TMC1: variants seen among roughly 807,000 people sequenced by gnomAD.
TMC1 encodes the protein transmembrane channel-like protein 1.
TMC1 carries 84 observed loss-of-function variants against 105.8 expected under a neutral mutation model. The ratio of observed to expected loss-of-function variants is 0.79; its 90% CI spans 0.67 to 0.95. TMC1 has a LOEUF of 0.95. Ranked by LOEUF, TMC1 falls within the 40% of genes least tolerant of loss-of-function variation. The pLI is 0.00. For missense variants in TMC1, 817 were observed against 914.1 expected (o/e 0.89, Z 1.37); for synonymous variants, 315 against 311.5 (o/e 1.01, Z -0.12).
intron 3 of TMC1, among the ~76,000 whole-genome samples, chr9:72,616,852 A>G (rs573070988): frequency 1.6e-4 from 25 of 152,130 alleles, no homozygotes; most frequent in Admixed American, 4.6e-4. Context: ...ACAAGGAAGG[A>G]GCTGGCTAGC....
chr9:72,768,705 G>T (rs771658323), intron 12 of TMC1, among the ~76,000 whole-genome samples: 2 of 152,130 alleles, frequency 1.3e-5, no homozygotes, highest in Non-Finnish European at 2.9e-5. Context: ...TTAAACATAT[G>T]TTGAATGGTA....
intron 8 of TMC1, chr9:72,700,882 T>G (rs1411246712): frequency 5.4e-6 from 1 of 186,010 alleles, no homozygotes; most frequent in Non-Finnish European, 1.1e-5. Context: ...TATTTCTGCA[T>G]ATATACCCAA....
intron 5 of TMC1, among the ~76,000 whole-genome samples, chr9:72,653,716 C>T (rs907051891): frequency 1.3e-5 from 2 of 152,030 alleles, no homozygotes; most frequent in Non-Finnish European, 2.9e-5. Flanking sequence ...AGATTTCCGC[C>T]GCCTCAAAAT....
intron 1 of TMC1, among the ~76,000 whole-genome samples, chr9:72,534,425 T>C (rs904156770): frequency 1.1e-4 from 16 of 152,134 alleles, no homozygotes; most frequent in African/African-American, 3.9e-4. Context: ...GAACAGACAT[T>C]CTAAAAGGGC....
intron 21 of TMC1, among the ~76,000 whole-genome samples, chr9:72,828,428 C>T (rs1828992295): frequency 6.6e-6 from 1 of 152,026 alleles, no homozygotes; most frequent in South Asian, 2.1e-4. Flanking sequence ...AAAACACACA[C>T]ACACACACAC....
chr9:72,760,115 A>G (rs1482760392), intron 12 of TMC1, among the ~76,000 whole-genome samples: 1 of 152,150 alleles, frequency 6.6e-6, no homozygotes. Context: ...TAAAATATTC[A>G]TAATGGAAAA....
chr9:72,736,494 T>C (rs1244218915), intron 8 of TMC1, among the ~76,000 whole-genome samples: 1 of 152,230 alleles, frequency 6.6e-6, no homozygotes, highest in Non-Finnish European at 1.5e-5. Context: ...TGCTTTCGAA[T>C]TGACCACTTA....
intron 18 of TMC1, among the ~76,000 whole-genome samples, chr9:72,814,896 T>TTGTGTGTGTGTGTG (rs57564294): frequency 3.1e-4 from 37 of 119,226 alleles, no homozygotes; most frequent in Non-Finnish European, 3.6e-4. Context: ...TGGATCATCT[T>TTGTGTGTGTGTGTG]TGTGTGTGTG....
chr9:72,588,181 T>C (rs1824583425), intron 2 of TMC1, among the ~76,000 whole-genome samples: 1 of 152,150 alleles, frequency 6.6e-6, no homozygotes, highest in Non-Finnish European at 1.5e-5. Flanking sequence ...TAATGGTGGT[T>C]GTAGGATGGT....
chr9:72,575,852 A>C (rs909473114), intron 1 of TMC1, among the ~76,000 whole-genome samples: 1 of 152,138 alleles, frequency 6.6e-6, no homozygotes, highest in African/African-American at 2.4e-5. Context: ...GCTGCAGAAC[A>C]CAAGTTTCTG....
At chr9:72,647,270 A>C (rs923465940) in intron 4 of TMC1, among the ~76,000 whole-genome samples, 2 of 151,128 alleles carry the variant, frequency 1.3e-5, no homozygotes, top group African/African-American at 4.9e-5. Flanking sequence ...ATGTAGTTTA[A>C]TTCATCTATT....
At chr9:72,641,391 C>A (rs1290482705) in intron 4 of TMC1, among the ~76,000 whole-genome samples, 1 of 152,174 alleles carries the variant, frequency 6.6e-6, no homozygotes. Context: ...CTACGCCCAG[C>A]CTCACCCTGG....
chr9:72,607,213 C>A (rs1475087603), intron 2 of TMC1, among the ~76,000 whole-genome samples: 2 of 152,088 alleles, frequency 1.3e-5, no homozygotes, highest in Admixed American at 1.3e-4. Context: ...AAAGGTGGTA[C>A]ATGGTAGGTA....
At chr9:72,730,026 T>C (rs1827183062) in intron 8 of TMC1, among the ~76,000 whole-genome samples, 1 of 152,208 alleles carries the variant, frequency 6.6e-6, no homozygotes, top group South Asian at 2.1e-4. Context: ...GCTTATTTGG[T>C]ATAGTTCCTT....
At chr9:72,804,153 G>A (rs1828527905) in intron 17 of TMC1, among the ~76,000 whole-genome samples, 1 of 152,184 alleles carries the variant, frequency 6.6e-6, no homozygotes, top group Non-Finnish European at 1.5e-5. Flanking sequence ...AACACCATAT[G>A]TTCTCACTCA....
In TMC1 at chr9:72,792,658, G is replaced by A. The variant is rs113427480; in HGVS notation, c.1566+306G>A. 4.8e-3 allele frequency among the ~76,000 whole-genome samples: 727 copies of A among 152,176 alleles called. 6 individuals are homozygous for A. Among genetic ancestry groups the A allele is most frequent in the African/African-American group, 0.016 (646 of 41,502 alleles). ...AATAAAGCACTCGATTTAGATACAG[G>A]CCAAAGCAAATATTTAAATGGAACT... On this transcript the variant is annotated intron_variant, in intron 17 of 23. Transcript: ENST00000297784.
intron 10 of TMC1, among the ~76,000 whole-genome samples, chr9:72,744,487 G>A (rs1827454164): frequency 6.6e-6 from 1 of 152,206 alleles, no homozygotes; most frequent in African/African-American, 2.4e-5. Context: ...CAGCTCAAAT[G>A]TGGTAGGTTG....
intron 2 of TMC1, among the ~76,000 whole-genome samples, chr9:72,609,557 A>G (rs1452363890): frequency 1.3e-5 from 2 of 152,030 alleles, no homozygotes; most frequent in Non-Finnish European, 2.9e-5. Flanking sequence ...AACAACAACA[A>G]CAAAAACAAA....
intron 1 of TMC1, among the ~76,000 whole-genome samples, chr9:72,572,985 C>T (rs1824313478): frequency 2.0e-5 from 3 of 152,070 alleles, no homozygotes; most frequent in Admixed American, 1.3e-4. Flanking sequence ...GAGTGAGACT[C>T]TGTCTCAAAA....
Sources: gnomAD v4.1 joint callset for allele counts (sites outside exome capture counted in the v4.1 genomes callset) on GRCh38, gnomAD v4.1.1 for gene constraint, MANE v1.5 for transcripts, NCBI Gene and HGNC (gene_info 2026-07-23, HGNC 2026-07-21) for gene names.